Variants in RAB3D observed in about 807,000 individuals in gnomAD.
RAB3D encodes RAB3D, member RAS oncogene family.
A neutral mutation model predicts 19.3 loss-of-function variants in RAB3D; 17 were observed. The observed-to-expected ratio is 0.88, with a 90% CI of 0.60 to 1.32. The LOEUF is 1.32. Ranked by LOEUF, RAB3D falls within the 40% of genes most tolerant of loss-of-function variation. RAB3D has a pLI of 0.00. For missense variants in RAB3D, 223 were observed against 299.1 expected (o/e 0.75, Z 1.88); for synonymous variants, 103 against 119.9 (o/e 0.86, Z 0.92).
chr19:11,326,576 G>A (rs146977771), intron 4 of RAB3D, among the ~76,000 whole-genome samples: 34 of 152,316 alleles, frequency 2.2e-4, no homozygotes, highest in African/African-American at 7.5e-4. Context: ...AGAAAGGCAT[G>A]GTCAGGAGAC....
At chr19:11,334,230 C>T (rs1229566307) in intron 4 of RAB3D, among the ~76,000 whole-genome samples, 6 of 151,510 alleles carry the variant, frequency 4.0e-5, no homozygotes, top group African/African-American at 7.3e-5. Flanking sequence ...CCCAACACTT[C>T]GGGAGGCTGA....
intron 1 of RAB3D, among the ~76,000 whole-genome samples, chr19:11,338,905 C>T (rs1966923173): frequency 6.6e-6 from 1 of 152,226 alleles, no homozygotes; most frequent in South Asian, 2.1e-4. Context: ...CTGTCTATGG[C>T]CGCTGCGGGA....
intron 4 of RAB3D, 140 bp downstream of exon 4, chr19:11,335,307 G>A (rs1599359647): frequency 7.3e-6 from 9 of 1,231,888 alleles, no homozygotes; most frequent in South Asian, 1.5e-5. Flanking sequence ...GCAATTAGAC[G>A]GGACATGTGG....
In RAB3D at chr19:11,325,139, C is replaced by T; in HGVS notation, c.*259G>A. ...TCAACACACCCTGGAAAGCAGCAAG[C>T]TCATGCACGTCAGTGTCCCTGGGCC... On this transcript the variant is annotated 3_prime_UTR_variant, in exon 5 of 5. Transcript: ENST00000222120. 2.5e-6 allele frequency: 1 copy of T among 405,236 alleles called. No homozygotes were observed. The highest frequency in any genetic ancestry group is 3.3e-5 in the South Asian group (1 of 30,618). 25.1% of individuals were successfully genotyped at this position (405,236 alleles called of 1,614,324 possible).
chr19:11,334,902 G>A (rs576317952), intron 4 of RAB3D, among the ~76,000 whole-genome samples: 2 of 152,198 alleles, frequency 1.3e-5, no homozygotes, highest in South Asian at 4.1e-4. Flanking sequence ...CAGTCTGGGT[G>A]ACAGAGTGAG....
rs2080785241 is a variant in RAB3D, at chr19:11,322,407, A to G, written c.*2991T>C. 1 of 152,096 alleles carries G rather than the reference A, an allele frequency of 6.6e-6. No homozygotes were observed. The highest frequency in any genetic ancestry group is 2.1e-4 in the South Asian group (1 of 4,826). The allele number at this position is 152,096 out of a possible 1,614,324, so 9.4% of individuals were successfully genotyped here. A position where few individuals can be genotyped will look rare whatever the true frequency, so the allele number is the denominator to read the frequency against. On this transcript the variant is annotated 3_prime_UTR_variant, in exon 5 of 5. Coordinates refer to ENST00000222120, the MANE Select transcript of RAB3D (RefSeq NM_004283.4). ...CTGTGGTCATGGCAATTTCCCATCA[A>G]AACTGCCCATGTAAAATAAACACAA... is the stretch of plus-strand genomic sequence containing the variant.
rs755736523 is a variant in RAB3D, at chr19:11,325,420, TG to T, written c.637del (p.Gln213SerfsTer29). 1.3e-5 allele frequency: 12 copies of T among 951,466 alleles called. No individual in the cohort carries two copies. The highest frequency in any genetic ancestry group is 7.7e-5 in the African/African-American group (2 of 25,830). 58.9% of individuals were successfully genotyped at this position (951,466 alleles called of 1,614,324 possible). A position where few individuals can be genotyped will look rare whatever the true frequency, so the allele number is the denominator to read the frequency against. ...TCTCTAGCAGCTGCAGCTGCTGGGC[TG>T]GGGGGCTGGAGCATCCCCCACGGCC... The part of the protein sequence containing the change: ...GPAVGDAPAP[Q>X]PSSCSC On this transcript the variant is annotated frameshift_variant, in exon 5 of 5. Transcript: ENST00000222120. LOFTEE classifies it high-confidence loss of function.
intron 4 of RAB3D, among the ~76,000 whole-genome samples, chr19:11,331,034 T>A (rs941060749): frequency 2.7e-5 from 4 of 149,768 alleles, no homozygotes; most frequent in East Asian, 4.0e-4. Flanking sequence ...AAAAAAAATT[T>A]AAAAAATAAA....
rs7417 is a variant in RAB3D, at chr19:11,322,274, A to G, written c.*3124T>C. 40,433 of 151,596 alleles carry G rather than the reference A, an allele frequency of 0.27. 9,795 individuals are homozygous for G. The highest frequency in any genetic ancestry group is 0.65 in the African/African-American group (26,813 of 41,296). The allele number at this position is 151,596 out of a possible 1,614,324, so 9.4% of individuals were successfully genotyped here. A position where few individuals can be genotyped will look rare whatever the true frequency, so the allele number is the denominator to read the frequency against. On this transcript the variant is annotated 3_prime_UTR_variant, in exon 5 of 5. Transcript: ENST00000222120. ...TGAGACCACATTTCACCTGTTACTTATTTTTCTAAATGGAGTAGGAGAGAA... is the reference window on the plus strand; with the variant it reads ...TGAGACCACATTTCACCTGTTACTTGTTTTTCTAAATGGAGTAGGAGAGAA...
intron 4 of RAB3D, among the ~76,000 whole-genome samples, chr19:11,328,003 C>T (rs1389704202): frequency 6.6e-6 from 1 of 151,894 alleles, no homozygotes; most frequent in South Asian, 2.1e-4. Context: ...TTGAGACCAG[C>T]CTGGGCAACA....
Position 11,324,680 on chromosome 19 carries a change from A to C in RAB3D, c.*718T>G, listed in dbSNP as rs574716481. ...GGATCAGAGATGTGGTGAACACAGC[A>C]AAAACAGTGGCAGGGTCGTGGGTGA... On this transcript the variant is annotated 3_prime_UTR_variant, in exon 5 of 5. Transcript: ENST00000222120. 6.5e-6 allele frequency: 1 copy of C among 152,818 alleles called. No individual in the cohort carries two copies. Among genetic ancestry groups the C allele is most frequent in the East Asian group, 1.9e-4 (1 of 5,180 alleles). The allele number at this position is 152,818 out of a possible 1,614,324, so 9.5% of individuals were successfully genotyped here.
At chr19:11,336,963 C>T (rs1341983301) in intron 2 of RAB3D, among the ~76,000 whole-genome samples, 1 of 144,278 alleles carries the variant, frequency 6.9e-6, no homozygotes, top group Non-Finnish European at 1.5e-5. Flanking sequence ...GAGCAAGACT[C>T]TGTCTCGAGA....
Position 11,335,732 on chromosome 19 carries a change from C to G in RAB3D, c.280G>C (p.Gly94Arg), listed in dbSNP as rs2080850610. ...YRTITTAYYR[G>R]AMGFLLMYDI... ...TACATGAGCAGGAAGCCCATGGCTC[C>G]CCGGTAGTAGGCCGTGGTGATGGTG... is the stretch of plus-strand genomic sequence containing the variant. Residue 94 changes from glycine to arginine, a missense_variant, in exon 3 of 5, where the codon GGA becomes CGA. Transcript: ENST00000222120. The G allele has an allele frequency of 4.3e-6, 7 of 1,614,170 alleles. No homozygotes were observed. Among genetic ancestry groups the G allele is most frequent in the Non-Finnish European group, 5.9e-6 (7 of 1,180,028 alleles).
At chr19:11,329,192 A>G (rs943885164) in intron 4 of RAB3D, among the ~76,000 whole-genome samples, 1 of 152,258 alleles carries the variant, frequency 6.6e-6, no homozygotes, top group Admixed American at 6.5e-5. Flanking sequence ...TGCAAGGATT[A>G]CAGGCATGAG....
chr19:11,330,740 C>T (rs569685932), intron 4 of RAB3D, among the ~76,000 whole-genome samples: 3 of 151,970 alleles, frequency 2.0e-5, no homozygotes, highest in Admixed American at 6.6e-5. Flanking sequence ...TTAGTAGAGA[C>T]GGGGTTTCAC....
intron 1 of RAB3D, among the ~76,000 whole-genome samples, chr19:11,338,560 C>CT (rs1215298058): frequency 5.3e-5 from 8 of 152,062 alleles, no homozygotes; most frequent in Admixed American, 4.6e-4. Flanking sequence ...TGTACAGGGC[C>CT]CAGGTTTAGA....
chr19:11,335,196 A>G lies in RAB3D; in HGVS notation c.472+251T>C, dbSNP rs549770832. On this transcript the variant is annotated intron_variant, in intron 4 of 4. Transcript: ENST00000222120. ...CTACACTCCACACACCATATCCCACATGGGTGAGGATATCTCTAGGATCAA... is the reference window on the plus strand; with the variant it reads ...CTACACTCCACACACCATATCCCACGTGGGTGAGGATATCTCTAGGATCAA... Among the ~76,000 whole-genome samples, 10 of 152,244 alleles carry G rather than the reference A, an allele frequency of 6.6e-5. No individual in the cohort carries two copies. The South Asian group carries it at 2.1e-3, about 32-fold the overall frequency.
At chr19:11,331,690 C>T (rs1272889644) in intron 4 of RAB3D, among the ~76,000 whole-genome samples, 1 of 151,802 alleles carries the variant, frequency 6.6e-6, no homozygotes, top group Non-Finnish European at 1.5e-5. Context: ...TGGGGTCTCA[C>T]TATGTTGCCC....
chr19:11,326,889 C>A, intron 4 of RAB3D: 3 of 569,910 alleles, frequency 5.3e-6, no homozygotes, highest in Admixed American at 3.0e-5. Context: ...GGTTTACCAG[C>A]GTGAGCCACC....
Sources: allele counts gnomAD v4.1 joint callset (sites outside exome capture counted in the v4.1 genomes callset), GRCh38; gene constraint gnomAD v4.1.1; transcripts MANE v1.5; gene names NCBI Gene and HGNC (gene_info 2026-07-23, HGNC 2026-07-21).